The following OPRK1 variants were observed in gnomAD, a reference collection of about 807,000 sequenced individuals.
OPRK1 encodes kappa-type opioid receptor.
In OPRK1, 15 loss-of-function variants were observed where a neutral mutation model predicts 24.5. That is an observed-to-expected ratio of 0.61 (90% CI 0.41 to 0.94). The LOEUF (loss-of-function observed/expected upper bound fraction) is 0.94, where lower values mean the gene tolerates loss of function less well. OPRK1 is among the 40% of genes least tolerant of loss of function. OPRK1 has a pLI of 0.00. For synonymous variants in OPRK1, 205 were observed against 198.0 expected (o/e 1.04, Z -0.30); for missense variants, 479 against 507.3 (o/e 0.94, Z 0.54).
At position 53,250,840 on chromosome 8, in the gene OPRK1, G is replaced by C. The variant is rs1183234561; in HGVS notation, c.198C>G (p.Tyr66Ter). Residue 66 changes from tyrosine to a stop codon, truncating the protein, a stop_gained, in exon 2 of 4, where the codon TAC (tyrosine) becomes TAG (stop). Transcript: ENST00000265572. LOFTEE classifies it high-confidence loss of function. ...CCAAGCCCACGACGAACACTACGGA[G>C]TAGACCGCCGTGATGATGACCGGGA... is the stretch of plus-strand genomic sequence containing the variant. ...PAIPVIITAVYSVVFVVGLVG... is the reference protein window; with the variant it reads ...PAIPVIITAV The C allele has an allele frequency of 6.2e-7, 1 of 1,613,518 alleles. No homozygotes were observed. Among genetic ancestry groups the C allele is most frequent in the Admixed American group, 1.7e-5 (1 of 60,014 alleles).
chr8:53,243,197 T>G (rs1288506975), intron 2 of OPRK1, among the ~76,000 whole-genome samples: 1 of 152,196 alleles, frequency 6.6e-6, no homozygotes, highest in Non-Finnish European at 1.5e-5. Flanking sequence ...CCATACAATT[T>G]GAGATTTTTA....
At position 53,229,529 on chromosome 8, in the gene OPRK1, T is replaced by C. The variant is rs1806799823; in HGVS notation, c.911A>G (p.His304Arg). The change falls in exon 4 of 4, where the codon CAC (histidine) becomes CGC (arginine). Residue 304 changes from histidine (H) to arginine (R), a missense_variant. Coordinates refer to ENST00000265572, the MANE Select transcript of OPRK1 (RefSeq NM_000912.5). The part of the protein sequence containing the change: ...ILVEALGSTS[H>R]STAALSSYYF... ...ATAGCTGGAGAGAGCAGCTGTGCTG[T>C]GGGAGGTGCTCCCCAGAGCCTCCAC... The C allele has an allele frequency of 3.7e-6, 6 of 1,614,182 alleles. No homozygotes were observed. The highest frequency in any genetic ancestry group is 5.1e-6 in the Non-Finnish European group (6 of 1,180,034).
intron 1 of OPRK1, 168 bp downstream of exon 1, chr8:53,251,280 C>T: frequency 1.7e-6 from 1 of 576,406 alleles, no homozygotes; most frequent in Non-Finnish European, 2.9e-6. Flanking sequence ...GGGCGAAGAG[C>T]GCTCGCTCCT....
chr8:53,232,871 A>G (rs1176498064), intron 3 of OPRK1, among the ~76,000 whole-genome samples: 2 of 152,250 alleles, frequency 1.3e-5, no homozygotes, highest in South Asian at 4.1e-4. Flanking sequence ...AGAGCAGACT[A>G]TGAATCCTCA....
intron 3 of OPRK1, among the ~76,000 whole-genome samples, chr8:53,230,388 A>T (rs754774549): frequency 2.0e-5 from 3 of 152,158 alleles, no homozygotes; most frequent in Non-Finnish European, 4.4e-5. Context: ...TGACTCAAGT[A>T]TTGTCATTTA....
At chr8:53,247,901 G>C (rs1246836056) in intron 2 of OPRK1, among the ~76,000 whole-genome samples, 2 of 142,184 alleles carry the variant, frequency 1.4e-5, no homozygotes, top group South Asian at 4.6e-4. Flanking sequence ...TGAGGTGAGA[G>C]AATTGCTTGA....
Position 53,251,008 on chromosome 8 carries a change from C to T in OPRK1, c.30G>A (p.Gly10=), listed in dbSNP as rs1352187560. 2.5e-6 allele frequency: 4 copies of T among 1,572,308 alleles called. No homozygotes were observed. In the Admixed American group the frequency reaches 5.5e-5, roughly 22 times the overall value. The part of the protein sequence containing the change: MDSPIQIFR[G]EPGPTCAPSA... ...TCGGGGCGCAGGTAGGGCCCGGCTC[C>T]CCGCGGAAGATCTGGATCGGGGAGT... is the stretch of plus-strand genomic sequence containing the variant. Residue 10 remains glycine (G), a synonymous_variant, in exon 2 of 4, where the codon GGG becomes GGA. Transcript: ENST00000265572.
intron 2 of OPRK1, among the ~76,000 whole-genome samples, chr8:53,244,407 A>G (rs140756989): frequency 5.2e-3 from 791 of 152,252 alleles, no homozygotes; most frequent in South Asian, 9.1e-3. Context: ...AAATGTAACC[A>G]TTTCCATAGT....
At position 53,229,598 on chromosome 8, in the gene OPRK1, G is replaced by A. The variant is rs772046608; in HGVS notation, c.842C>T (p.Ala281Val). Residue 281 changes from alanine to valine, a missense_variant, in exon 4 of 4, where the codon GCA becomes GTA. By Grantham distance (64) the Ala-to-Val change is moderately conservative. Coordinates refer to ENST00000265572, the MANE Select transcript of OPRK1 (RefSeq NM_000912.5). ...GGGAGTCCAGCAGACGACGAAGACT[G>A]CCACCACCACCAGGACCAGTCTGGT... is the stretch of plus-strand genomic sequence containing the variant. ...RITRLVLVVV[A>V]VFVVCWTPIH... is the part of the protein sequence containing the mutation. 49 of 1,613,616 alleles carry A rather than the reference G, an allele frequency of 3.0e-5. No homozygotes were observed. Among genetic ancestry groups the A allele is most frequent in the Non-Finnish European group, 4.0e-5 (47 of 1,179,618 alleles).
chr8:53,241,426 G>C (rs1201461367), intron 2 of OPRK1, among the ~76,000 whole-genome samples: 1 of 151,974 alleles, frequency 6.6e-6, no homozygotes, highest in Non-Finnish European at 1.5e-5. Flanking sequence ...AAAGGAGGGA[G>C]GCAGAGGCAG....
At chr8:53,236,007 A>G (rs1256055644) in intron 2 of OPRK1, among the ~76,000 whole-genome samples, 2 of 152,200 alleles carry the variant, frequency 1.3e-5, no homozygotes, top group Admixed American at 6.5e-5. Context: ...TCCAAACCAT[A>G]CCATCAGATT....
At chr8:53,250,752 C>T in intron 2 of OPRK1, 29 bp downstream of exon 2, 1 of 1,579,522 alleles carries the variant, frequency 6.3e-7, no homozygotes, top group Non-Finnish European at 8.6e-7. Context: ...CCCGCCCAGC[C>T]CCCAGCGCTG....
intron 2 of OPRK1, among the ~76,000 whole-genome samples, chr8:53,238,101 T>C (rs979578366): frequency 6.6e-6 from 1 of 152,222 alleles, no homozygotes; most frequent in African/African-American, 2.4e-5. Context: ...AAAGCAAGGC[T>C]GTGACGCTCA....
chr8:53,247,365 C>T (rs986627129), intron 2 of OPRK1, among the ~76,000 whole-genome samples: 4 of 152,318 alleles, frequency 2.6e-5, no homozygotes, highest in Admixed American at 2.0e-4. Flanking sequence ...TTTATTTCAT[C>T]TTTCTGCGCT....
intron 2 of OPRK1, among the ~76,000 whole-genome samples, chr8:53,247,811 C>T (rs908870713): frequency 2.6e-5 from 4 of 151,818 alleles, no homozygotes; most frequent in Admixed American, 2.6e-4. Context: ...GCCTGCACAA[C>T]ATGGTGCAAC....
intron 2 of OPRK1, among the ~76,000 whole-genome samples, chr8:53,243,404 A>C (rs1312544370): frequency 6.6e-6 from 1 of 152,246 alleles, no homozygotes; most frequent in Non-Finnish European, 1.5e-5. Context: ...CAGGCATCAG[A>C]AAACACGTAA....
chr8:53,240,169 A>G (rs1807082641), intron 2 of OPRK1, among the ~76,000 whole-genome samples: 2 of 152,196 alleles, frequency 1.3e-5, no homozygotes, highest in African/African-American at 4.8e-5. Context: ...GAATTTTTCC[A>G]TAGGCCCATT....
At chr8:53,239,540 C>T (rs1807068592) in intron 2 of OPRK1, among the ~76,000 whole-genome samples, 1 of 152,110 alleles carries the variant, frequency 6.6e-6, no homozygotes, top group African/African-American at 2.4e-5. Context: ...TAGTGTCAGG[C>T]CACAGAGGGC....
At position 53,250,409 on chromosome 8, in the gene OPRK1, C is replaced by A. The variant is rs565473091; in HGVS notation, c.257+372G>T. Among the ~76,000 whole-genome samples, 15 of 152,236 alleles carry A rather than the reference C, an allele frequency of 9.9e-5. 1 individual carries two copies. In the South Asian group the frequency reaches 2.3e-3, roughly 23 times the overall value. On this transcript the variant is annotated intron_variant, in intron 2 of 3. Coordinates refer to ENST00000265572, the MANE Select transcript of OPRK1 (RefSeq NM_000912.5). ...GGCATAACAAAGTGCTCCAAACTGGCGCAGGCAAATGGATTAGTTCCTTTA... is the reference window on the plus strand; with the variant it reads ...GGCATAACAAAGTGCTCCAAACTGGAGCAGGCAAATGGATTAGTTCCTTTA...
Sources: allele counts gnomAD v4.1 joint callset (sites outside exome capture counted in the v4.1 genomes callset), GRCh38; gene constraint gnomAD v4.1.1; transcripts MANE v1.5; gene names NCBI Gene and HGNC (gene_info 2026-07-23, HGNC 2026-07-21).